PREX2: variants seen among roughly 807,000 people sequenced by gnomAD.
PREX2 encodes phosphatidylinositol-3,4,5-trisphosphate dependent Rac exchange factor 2.
PREX2 carries 107 observed loss-of-function variants against 203.2 expected under a neutral mutation model. That is an observed-to-expected ratio of 0.53 (90% CI 0.45 to 0.62). The LOEUF (loss-of-function observed/expected upper bound fraction) is 0.62. Among genes scored for constraint, PREX2 ranks in the 20% least tolerant of loss-of-function variants. The pLI is 0.00. For synonymous variants in PREX2, 672 were observed against 663.6 expected (o/e 1.01, Z -0.19); for missense variants, 1,777 against 1,955.9 (o/e 0.91, Z 1.72).
chr8:67,987,704 C>T (rs1806474860), intron 1 of PREX2, among the ~76,000 whole-genome samples: 1 of 152,162 alleles, frequency 6.6e-6, no homozygotes, highest in Non-Finnish European at 1.5e-5. Context: ...CCTGCAACCT[C>T]GCCTGCCTGC....
At chr8:68,172,816 A>G (rs1811906159) in intron 35 of PREX2, among the ~76,000 whole-genome samples, 1 of 152,160 alleles carries the variant, frequency 6.6e-6, no homozygotes, top group Admixed American at 6.6e-5. Flanking sequence ...CAGAATCAAC[A>G]TATTTTCTTT....
chr8:68,000,965 G>C (rs1806920359), intron 1 of PREX2, among the ~76,000 whole-genome samples: 1 of 152,048 alleles, frequency 6.6e-6, no homozygotes, highest in African/African-American at 2.4e-5. Flanking sequence ...TAGATAAAAG[G>C]CTTAAATGTA....
chr8:68,159,102 A>G (rs1404895891), intron 35 of PREX2, among the ~76,000 whole-genome samples: 3 of 152,180 alleles, frequency 2.0e-5, no homozygotes, highest in African/African-American at 7.2e-5. Context: ...AACTAAAAAT[A>G]TCATGAAGAA....
At chr8:68,103,773 G>T in intron 23 of PREX2, 2 of 516,212 alleles carry the variant, frequency 3.9e-6, no homozygotes, top group South Asian at 2.8e-5. Flanking sequence ...ACATATGCCT[G>T]GTTTTTGTCC....
Position 68,236,308 on chromosome 8 carries a change from C to G in PREX2, c.*4930C>G, listed in dbSNP as rs539339368. On this transcript the variant is annotated 3_prime_UTR_variant, in exon 40 of 40. Coordinates refer to ENST00000288368, the MANE Select transcript of PREX2 (RefSeq NM_024870.4). The stretch of plus-strand genomic sequence containing the variant: ...AGCTTTGGAGAGTTAATTTTAGGTG[C>G]GAATAACAGGATAAATGCTATCTGA... 8 of 152,166 alleles carry G rather than the reference C, an allele frequency of 5.3e-5. No individual in the cohort carries two copies. The highest frequency in any genetic ancestry group is 1.9e-4 in the African/African-American group (8 of 41,540). The allele number at this position is 152,166 out of a possible 1,614,324, so 9.4% of individuals were successfully genotyped here.
chr8:68,005,526 C>A (rs993710795), intron 1 of PREX2, among the ~76,000 whole-genome samples: 2 of 152,204 alleles, frequency 1.3e-5, no homozygotes, highest in Non-Finnish European at 2.9e-5. Flanking sequence ...TCTCAAATGG[C>A]TCTTTTCCTC....
rs1809633994 is a variant in PREX2, at chr8:68,084,862, G to T, written c.2027+1474G>T. Among the ~76,000 whole-genome samples the T allele has an allele frequency of 2.0e-5, 3 of 152,180 alleles. No homozygotes were observed. The South Asian group carries it at 6.2e-4, about 32-fold the overall frequency. On this transcript the variant is annotated intron_variant, in intron 18 of 39. Transcript: ENST00000288368. ...AAAGCAATCATTACGTCCTCCCTAG[G>T]GCCCCCTGATTTAACCCTACAAATA...
In PREX2 at chr8:68,090,697, G is replaced by A; in HGVS notation, c.2232G>A (p.Lys744=). 1 of 1,613,624 alleles carries A rather than the reference G, an allele frequency of 6.2e-7. No individual in the cohort carries two copies. Among genetic ancestry groups the A allele is most frequent in the Non-Finnish European group, 8.5e-7 (1 of 1,179,656 alleles). Residue 744 remains lysine, a synonymous_variant, in exon 20 of 40, where the codon AAG becomes AAA. Transcript: ENST00000288368. ...SVIAHVTACR[K]YRRPTKQDSI... is the part of the protein sequence containing the mutation. ...TTGCACACGTTACAGCCTGCAGGAAGTACAGGCGGCCAACGAAGGTAAGTG... is the reference window on the plus strand; with the variant it reads ...TTGCACACGTTACAGCCTGCAGGAAATACAGGCGGCCAACGAAGGTAAGTG...
chr8:68,152,063 G>C (rs112300962), intron 34 of PREX2, among the ~76,000 whole-genome samples: 2,423 of 151,838 alleles, frequency 0.016, 70 homozygotes, highest in African/African-American at 0.056. Context: ...GCTGAGGTGG[G>C]TGGATCACGA....
intron 33 of PREX2, among the ~76,000 whole-genome samples, chr8:68,142,298 C>G (rs2129613582): frequency 6.6e-6 from 1 of 152,254 alleles, no homozygotes; most frequent in Middle Eastern, 3.4e-3. Flanking sequence ...CTCCTCCCTC[C>G]CACTCTGCAC....
intron 7 of PREX2, among the ~76,000 whole-genome samples, chr8:68,039,689 A>G (rs1400802912): frequency 6.6e-6 from 1 of 152,036 alleles, no homozygotes; most frequent in Non-Finnish European, 1.5e-5. Flanking sequence ...TTCCCTTTCT[A>G]TTGTTTTCTC....
At chr8:68,045,545 AT>A (rs1808326362) in intron 8 of PREX2, among the ~76,000 whole-genome samples, 1 of 152,058 alleles carries the variant, frequency 6.6e-6, no homozygotes, top group Non-Finnish European at 1.5e-5. Context: ...TAGCATCCGA[AT>A]AAATTGTCAG....
intron 34 of PREX2, among the ~76,000 whole-genome samples, chr8:68,156,610 C>G (rs1811548387): frequency 6.6e-6 from 1 of 152,130 alleles, no homozygotes; most frequent in Non-Finnish European, 1.5e-5. Flanking sequence ...AGTTTAATAA[C>G]AGGTATACCT....
chr8:68,058,369 AG>A (rs1370949428), intron 10 of PREX2, among the ~76,000 whole-genome samples: 1 of 152,132 alleles, frequency 6.6e-6, no homozygotes, highest in Non-Finnish European at 1.5e-5. Flanking sequence ...ACTATGTGCC[AG>A]GCCCCGTGCT....
chr8:67,952,756 G>A (rs972059354), intron 1 of PREX2: 1 of 661,288 alleles, frequency 1.5e-6, no homozygotes. Context: ...CGGGGGCCTT[G>A]GAGACCTCCA....
chr8:68,093,779 T>A, intron 21 of PREX2, 57 bp downstream of exon 21: 1 of 881,546 alleles, frequency 1.1e-6, no homozygotes, highest in Non-Finnish European at 1.8e-6. Context: ...ACTGTGCATG[T>A]GCCTACTCCC....
At position 68,105,647 on chromosome 8, in the gene PREX2, C is replaced by A. The variant is rs191404823; in HGVS notation, c.2716-2462C>A. The A allele has an allele frequency of 3.9e-4, 348 of 894,806 alleles. 2 individuals are homozygous for A. In the African/African-American group the frequency reaches 7.1e-3, roughly 18 times the overall value. 55.4% of individuals were successfully genotyped at this position (894,806 alleles called of 1,614,324 possible). Reference sequence around the variant, plus strand: ...ATATATACAGTCATGCACTGCATAACATTTCAGTAAATGACAGACCATATA... The same window carrying A: ...ATATATACAGTCATGCACTGCATAAAATTTCAGTAAATGACAGACCATATA... On this transcript the variant is annotated intron_variant, in intron 23 of 39. Transcript: ENST00000288368.
chr8:68,161,850 G>T (rs982064855), intron 35 of PREX2, among the ~76,000 whole-genome samples: 6 of 152,094 alleles, frequency 3.9e-5, no homozygotes, highest in African/African-American at 1.4e-4. Flanking sequence ...TGCTAATAAA[G>T]ACATACCCAG....
intron 37 of PREX2, among the ~76,000 whole-genome samples, chr8:68,198,020 G>T (rs1812432712): frequency 6.6e-6 from 1 of 151,682 alleles, no homozygotes. Context: ...TAATCTAAAA[G>T]AAAAAAGCCA....
Sources: gnomAD v4.1 joint callset for allele counts (sites outside exome capture counted in the v4.1 genomes callset) on GRCh38, gnomAD v4.1.1 for gene constraint, MANE v1.5 for transcripts, NCBI Gene and HGNC (gene_info 2026-07-23, HGNC 2026-07-21) for gene names.